CNTNAP5: variants seen among roughly 807,000 people sequenced by gnomAD.
The protein encoded by CNTNAP5 is contactin associated protein family member 5.
In CNTNAP5, 72 loss-of-function variants were observed where a neutral mutation model predicts 150.2. That is an observed-to-expected ratio of 0.48 (90% confidence interval 0.40 to 0.58). The LOEUF is 0.58. CNTNAP5 is among the 20% of genes least tolerant of loss of function. CNTNAP5 has a pLI of 0.00. For missense variants in CNTNAP5, 1,636 were observed against 1,626.2 expected (o/e 1.01, Z -0.10); for synonymous variants, 672 against 619.8 (o/e 1.08, Z -1.25).
chr2:124,383,096 A>G (rs962129709), intron 3 of CNTNAP5, among the ~76,000 whole-genome samples: 4 of 152,102 alleles, frequency 2.6e-5, no homozygotes, highest in Non-Finnish European at 5.9e-5. Flanking sequence ...CCAGCCCCAC[A>G]TTCCTGTGCC....
intron 21 of CNTNAP5, among the ~76,000 whole-genome samples, chr2:124,884,300 C>T (rs1678034857): frequency 6.6e-6 from 1 of 151,776 alleles, no homozygotes; most frequent in South Asian, 2.1e-4. Flanking sequence ...TCTGTGTGTG[C>T]ATTTGTTTGT....
intron 21 of CNTNAP5, among the ~76,000 whole-genome samples, chr2:124,884,037 A>C (rs932117582): frequency 6.6e-6 from 1 of 152,080 alleles, no homozygotes; most frequent in Non-Finnish European, 1.5e-5. Context: ...GCATGTGTGC[A>C]TGCATGTTCC....
At chr2:124,177,674 C>T (rs990059902) in intron 1 of CNTNAP5, among the ~76,000 whole-genome samples, 11 of 152,034 alleles carry the variant, frequency 7.2e-5, no homozygotes, top group Non-Finnish European at 1.2e-4. Context: ...TCTGTGTGTG[C>T]GCACGCACAC....
chr2:124,774,956 C>T (rs1681289226), intron 17 of CNTNAP5, among the ~76,000 whole-genome samples: 1 of 152,142 alleles, frequency 6.6e-6, no homozygotes, highest in African/African-American at 2.4e-5. Flanking sequence ...GCTGTAAGAG[C>T]ATGTCGATGG....
At chr2:124,693,850 A>G (rs1324063014) in intron 13 of CNTNAP5, among the ~76,000 whole-genome samples, 1 of 151,898 alleles carries the variant, frequency 6.6e-6, no homozygotes, top group Non-Finnish European at 1.5e-5. Flanking sequence ...CAAAAAAAAA[A>G]AAAACCAACC....
At chr2:124,086,837 A>G (rs1224797631) in intron 1 of CNTNAP5, among the ~76,000 whole-genome samples, 1 of 151,482 alleles carries the variant, frequency 6.6e-6, no homozygotes, top group Non-Finnish European at 1.5e-5. Flanking sequence ...AGAATTTAAC[A>G]TTTAATATTT....
intron 10 of CNTNAP5, among the ~76,000 whole-genome samples, chr2:124,537,381 T>C (rs967029157): frequency 2.6e-5 from 4 of 152,176 alleles, no homozygotes; most frequent in Non-Finnish European, 5.9e-5. Flanking sequence ...AGAAGGGCTG[T>C]GGAACACCTC....
chr2:124,116,281 GA>G (rs1212040624), intron 1 of CNTNAP5, among the ~76,000 whole-genome samples: 1 of 152,132 alleles, frequency 6.6e-6, no homozygotes, highest in Non-Finnish European at 1.5e-5. Context: ...GCTGAGTTAG[GA>G]GGGATGTATA....
At chr2:124,862,459 T>TG (rs1206415167) in intron 19 of CNTNAP5, among the ~76,000 whole-genome samples, 1 of 152,060 alleles carries the variant, frequency 6.6e-6, no homozygotes, top group Non-Finnish European at 1.5e-5. Context: ...TGAAAGGGGA[T>TG]GGGGACAGAA....
chr2:124,797,384 C>T (rs1681869701), intron 18 of CNTNAP5, among the ~76,000 whole-genome samples: 1 of 152,042 alleles, frequency 6.6e-6, no homozygotes, highest in African/African-American at 2.4e-5. Flanking sequence ...GGTGGCAGAT[C>T]TCCATTCAGT....
chr2:124,697,544 C>G (rs1679429388), intron 13 of CNTNAP5, among the ~76,000 whole-genome samples: 1 of 149,650 alleles, frequency 6.7e-6, no homozygotes, highest in South Asian at 2.1e-4. Flanking sequence ...AAGGCCTTAT[C>G]TTACCTTAAG....
intron 12 of CNTNAP5, among the ~76,000 whole-genome samples, chr2:124,625,084 A>T (rs1573505019): frequency 6.6e-6 from 1 of 152,182 alleles, no homozygotes; most frequent in East Asian, 1.9e-4. Context: ...TCTCTGAAAC[A>T]GAGAAAGCCT....
chr2:124,701,590 A>G (rs1000966220), intron 13 of CNTNAP5, among the ~76,000 whole-genome samples: 1 of 152,058 alleles, frequency 6.6e-6, no homozygotes, highest in Non-Finnish European at 1.5e-5. Flanking sequence ...TAATTTCTTC[A>G]TAATTCCCCA....
chr2:124,571,527 CTTTTTT>C, intron 11 of CNTNAP5, among the ~76,000 whole-genome samples: 1 of 46,844 alleles, frequency 2.1e-5, no homozygotes, highest in Non-Finnish European at 3.6e-5. Context: ...TTTCTTTTTT[CTTTTTT>C]TTTTTTTTTT....
intron 1 of CNTNAP5, among the ~76,000 whole-genome samples, chr2:124,059,329 G>C (rs1366272417): frequency 6.6e-6 from 1 of 152,146 alleles, no homozygotes; most frequent in Admixed American, 6.5e-5. Flanking sequence ...ACATTTCTGT[G>C]AACATCGAAT....
chr2:124,233,064 A>G (rs924853469), intron 2 of CNTNAP5, among the ~76,000 whole-genome samples: 3 of 151,378 alleles, frequency 2.0e-5, no homozygotes, highest in African/African-American at 4.9e-5. Flanking sequence ...TCATTACAAA[A>G]GGATTAAAGG....
intron 1 of CNTNAP5, among the ~76,000 whole-genome samples, chr2:124,160,138 A>G (rs1684641464): frequency 6.6e-6 from 1 of 152,150 alleles, no homozygotes; most frequent in Non-Finnish European, 1.5e-5. Context: ...GACTCAGGAG[A>G]GCAGATGGTA....
At chr2:124,191,084 T>A (rs1420024174) in intron 1 of CNTNAP5, among the ~76,000 whole-genome samples, 1 of 152,244 alleles carries the variant, frequency 6.6e-6, no homozygotes, top group African/African-American at 2.4e-5. Context: ...TTTCATGGAT[T>A]GTGTTTTATT....
At chr2:124,876,494 G>A (rs1335005795) in intron 21 of CNTNAP5, among the ~76,000 whole-genome samples, 1 of 151,698 alleles carries the variant, frequency 6.6e-6, no homozygotes, top group African/African-American at 2.4e-5. Context: ...TATAGCCATG[G>A]GCTAGGAATT....
Sources: gnomAD v4.1 joint callset for allele counts (sites outside exome capture counted in the v4.1 genomes callset) on GRCh38, gnomAD v4.1.1 for gene constraint, MANE v1.5 for transcripts, NCBI Gene and HGNC (gene_info 2026-07-23, HGNC 2026-07-21) for gene names.